Variants in PDGFC observed in about 807,000 individuals in gnomAD.
PDGFC encodes platelet-derived growth factor C.
In PDGFC, 12 loss-of-function variants were observed where a neutral mutation model predicts 35.5. The ratio of observed to expected loss-of-function variants is 0.34; its 90% CI spans 0.22 to 0.55. The LOEUF is 0.55. Among genes scored for constraint, PDGFC ranks in the 20% least tolerant of loss-of-function variants. The pLI is 0.91. For missense variants in PDGFC, 322 were observed against 412.4 expected (o/e 0.78, Z 1.90); for synonymous variants, 159 against 148.8 (o/e 1.07, Z -0.50).
At chr4:156,774,853 A>G (rs1358682594) in intron 3 of PDGFC, among the ~76,000 whole-genome samples, 1 of 151,978 alleles carries the variant, frequency 6.6e-6, no homozygotes, top group African/African-American at 2.4e-5. Context: ...TTTATTTTGT[A>G]TATCTGAGGT....
At chr4:156,809,804 T>C (rs1199177977) in intron 3 of PDGFC, among the ~76,000 whole-genome samples, 1 of 151,948 alleles carries the variant, frequency 6.6e-6, no homozygotes, top group Non-Finnish European at 1.5e-5. Flanking sequence ...ACATTTAAAT[T>C]AATATAATAT....
chr4:156,765,271 G>A (rs1010081779), intron 5 of PDGFC, among the ~76,000 whole-genome samples: 6 of 152,180 alleles, frequency 3.9e-5, no homozygotes, highest in Admixed American at 2.6e-4. Flanking sequence ...CAATATTAAA[G>A]AGGAAAAGGA....
chr4:156,871,043 C>T (rs914636038), intron 1 of PDGFC, among the ~76,000 whole-genome samples: 1 of 151,996 alleles, frequency 6.6e-6, no homozygotes, highest in African/African-American at 2.4e-5. Context: ...CAAGCAGGAG[C>T]TTTTTATATA....
chr4:156,873,172 T>C (rs1044009498), intron 1 of PDGFC, among the ~76,000 whole-genome samples: 7 of 152,166 alleles, frequency 4.6e-5, no homozygotes, highest in Non-Finnish European at 1.0e-4. Flanking sequence ...TCTAAATGTA[T>C]AATGAGATTA....
intron 3 of PDGFC, among the ~76,000 whole-genome samples, chr4:156,781,974 T>A (rs1045254773): frequency 6.6e-6 from 1 of 152,190 alleles, no homozygotes; most frequent in African/African-American, 2.4e-5. Flanking sequence ...TAGCTCATGA[T>A]TGATGTTGGT....
intron 1 of PDGFC, among the ~76,000 whole-genome samples, chr4:156,910,712 G>C (rs902632204): frequency 2.0e-5 from 3 of 152,166 alleles, no homozygotes; most frequent in African/African-American, 7.2e-5. Flanking sequence ...GGCATCACCA[G>C]CATTTTTCTT....
At position 156,767,654 on chromosome 4, in the gene PDGFC, CT is replaced by C. The variant is rs3836682; in HGVS notation, c.921+118del. 1.2e-3 allele frequency: 815 copies of C among 652,774 alleles called. 11 individuals carry two copies. In the East Asian group the frequency reaches 0.021, roughly 17 times the overall value. 40.4% of individuals were successfully genotyped at this position (652,774 alleles called of 1,614,324 possible). A position where few individuals can be genotyped will look rare whatever the true frequency, so the allele number is the denominator to read the frequency against. On this transcript the variant is annotated intron_variant, in intron 5 of 5. Transcript: ENST00000502773. ...AAAAACATAAACTATTTGTAGACCT[CT>C]TTTTTTTCCCCATGAATACTACGTC...
At chr4:156,900,288 T>C (rs1164629717) in intron 1 of PDGFC, among the ~76,000 whole-genome samples, 1 of 152,220 alleles carries the variant, frequency 6.6e-6, no homozygotes, top group African/African-American at 2.4e-5. Context: ...TGGTTCCCTG[T>C]CCTCTAAAGA....
intron 2 of PDGFC, among the ~76,000 whole-genome samples, chr4:156,830,967 T>C (rs923161985): frequency 2.0e-5 from 3 of 152,160 alleles, no homozygotes; most frequent in Non-Finnish European, 4.4e-5. Flanking sequence ...CATGACTATT[T>C]AGAATTATAT....
In PDGFC at chr4:156,774,980, G is replaced by T. The variant is rs146287683; in HGVS notation, c.496-2087C>A. On this transcript the variant is annotated intron_variant, in intron 3 of 5. Coordinates refer to ENST00000502773, the MANE Select transcript of PDGFC (RefSeq NM_016205.3). ...AAAGACTTAATTTCAATAATGTCAA[G>T]GATCTGGCTAAAATATTAGGACTAA... Among the ~76,000 whole-genome samples the T allele has an allele frequency of 6.1e-3, 933 of 152,132 alleles. 16 individuals carry two copies. The highest frequency in any genetic ancestry group is 0.02 in the African/African-American group (845 of 41,520).
At chr4:156,811,597 C>A (rs570039670) in intron 2 of PDGFC, among the ~76,000 whole-genome samples, 2 of 152,186 alleles carry the variant, frequency 1.3e-5, no homozygotes, top group African/African-American at 2.4e-5. Context: ...TTCTAACTAA[C>A]CATATATGTG....
In PDGFC at chr4:156,951,491, G is replaced by A. The variant is rs1732080883; in HGVS notation, c.118+19295C>T. Among the ~76,000 whole-genome samples the A allele has an allele frequency of 2.0e-5, 3 of 151,722 alleles. 1 individual carries two copies. The Middle Eastern group carries it at 0.01, about 516-fold the overall frequency. ...ACTGAATGGTCTGTTGGCAAAGGCA[G>A]GTCTCCCCTTTGAGACTGACGCATG... On this transcript the variant is annotated intron_variant, in intron 1 of 5. Transcript: ENST00000502773.
intron 1 of PDGFC, among the ~76,000 whole-genome samples, chr4:156,921,693 T>C (rs920690787): frequency 6.6e-6 from 1 of 152,134 alleles, no homozygotes; most frequent in African/African-American, 2.4e-5. Context: ...CATGGTCTAT[T>C]AGAACTGGAA....
At chr4:156,837,119 T>G (rs1379330292) in intron 2 of PDGFC, among the ~76,000 whole-genome samples, 1 of 152,232 alleles carries the variant, frequency 6.6e-6, no homozygotes, top group Non-Finnish European at 1.5e-5. Flanking sequence ...TGGAGGTATA[T>G]CTAAACAAAA....
chr4:156,873,798 T>C (rs1730043679), intron 1 of PDGFC: 1 of 152,192 alleles, frequency 6.6e-6, no homozygotes, highest in South Asian at 2.1e-4. Flanking sequence ...ATTCACAGCA[T>C]TTGCTGGAAG....
At chr4:156,832,669 C>T (rs77239326) in intron 2 of PDGFC, among the ~76,000 whole-genome samples, 8,843 of 152,234 alleles carry the variant, frequency 0.058, 369 homozygotes, top group Middle Eastern at 0.15. Flanking sequence ...TATGGTTGAC[C>T]CCTGAACAAC....
chr4:156,798,859 C>G (rs1731519472), intron 3 of PDGFC, among the ~76,000 whole-genome samples: 1 of 152,142 alleles, frequency 6.6e-6, no homozygotes, highest in Admixed American at 6.5e-5. Context: ...TCAACTCTAT[C>G]AGAATGTTAT....
chr4:156,925,446 A>T (rs1054567446), intron 1 of PDGFC, among the ~76,000 whole-genome samples: 1 of 152,198 alleles, frequency 6.6e-6, no homozygotes, highest in Non-Finnish European at 1.5e-5. Context: ...CAATCAGGGC[A>T]GATACAGAAC....
Position 156,813,766 on chromosome 4 carries a change from T to C in PDGFC, c.315-2749A>G, listed in dbSNP as rs183324121. Among the ~76,000 whole-genome samples, 3 of 152,274 alleles carry C rather than the reference T, an allele frequency of 2.0e-5. No individual in the cohort carries two copies. In the East Asian group the frequency reaches 5.8e-4, roughly 29 times the overall value. On this transcript the variant is annotated intron_variant, in intron 2 of 5. Transcript: ENST00000502773. ...TGTAGGCACATTCCAATGGGCTCGA[T>C]GTCTCTTTAAAAAATTTGTCAACGT...
Sources: allele counts gnomAD v4.1 joint callset (sites outside exome capture counted in the v4.1 genomes callset), GRCh38; gene constraint gnomAD v4.1.1; transcripts MANE v1.5; gene names NCBI Gene and HGNC (gene_info 2026-07-23, HGNC 2026-07-21).